Variants in NBAS observed in about 807,000 individuals in gnomAD.
NBAS encodes NAG/BC035112 fusion.
Under a neutral mutation model 302.5 loss-of-function variants are expected in NBAS, and 219 were observed. The observed-to-expected ratio is 0.72, with a 90% confidence interval of 0.65 to 0.81. The LOEUF is 0.81. NBAS is among the 30% of genes least tolerant of loss of function. NBAS has a pLI of 0.00. For synonymous variants in NBAS, 1,118 were observed against 1,021.6 expected, an observed-to-expected ratio of 1.09 and a Z score of -1.80; for missense variants, 2,932 against 2,841.6, an observed-to-expected ratio of 1.03 and a Z score of -0.72.
chr2:14,808,938 C>T, the NBAS span, among the ~76,000 whole-genome samples: 1 of 151,744 alleles, frequency 6.6e-6, no homozygotes, highest in Non-Finnish European at 1.5e-5. Flanking sequence ...GATGACTTTT[C>T]TTGTGTTTTA....
chr2:15,162,781 T>C (rs1224599249), downstream of NBAS, among the ~76,000 whole-genome samples: 2 of 152,214 alleles, frequency 1.3e-5, no homozygotes, highest in African/African-American at 4.8e-5. Flanking sequence ...ATTTTCTCAT[T>C]GTATGTGCCA....
At position 15,330,716 on chromosome 2, in the gene NBAS, G is replaced by C. The variant is rs1192322526; in HGVS notation, c.4229C>G (p.Thr1410Ser). The C allele has an allele frequency of 6.2e-7, 1 of 1,614,046 alleles. No individual in the cohort carries two copies. Among genetic ancestry groups the C allele is most frequent in the East Asian group, 2.2e-5 (1 of 44,874 alleles). The change falls in exon 36 of 52, where the codon ACC becomes AGC. Residue 1410 changes from threonine (T) to serine (S), a missense_variant. By Grantham distance (58) the Thr-to-Ser change is moderately conservative. Transcript: ENST00000281513. ...AAGGACTTTCATGGTGGTAGCAGTGGTCCAGCGCAATAGGTCAGCTGAATT... is the reference window on the plus strand; with the variant it reads ...AAGGACTTTCATGGTGGTAGCAGTGCTCCAGCGCAATAGGTCAGCTGAATT... ...GSNSADLLRW[T>S]TATTMKVLSN... is the part of the protein sequence containing the mutation.
chr2:14,982,097 A>G, the NBAS span, among the ~76,000 whole-genome samples: 12 of 152,202 alleles, frequency 7.9e-5, no homozygotes, highest in Admixed American at 7.2e-4. Context: ...CACTCTTCAG[A>G]TGCTCCACCA....
the NBAS span, among the ~76,000 whole-genome samples, chr2:14,784,098 T>A: frequency 6.6e-6 from 1 of 152,188 alleles, no homozygotes; most frequent in Admixed American, 6.5e-5. Flanking sequence ...TTCATGTGTT[T>A]TTTGGCTGCA....
chr2:15,085,609 C>G, the NBAS span, among the ~76,000 whole-genome samples: 3 of 152,288 alleles, frequency 2.0e-5, no homozygotes, highest in East Asian at 5.8e-4. Context: ...TGGGAGCAGG[C>G]AGCAGCCCTG....
the NBAS span, among the ~76,000 whole-genome samples, chr2:15,066,717 G>A: frequency 2.0e-5 from 3 of 152,168 alleles, no homozygotes; most frequent in Non-Finnish European, 4.4e-5. Context: ...CAAATATGTG[G>A]GGAAAAGAGA....
the NBAS span, among the ~76,000 whole-genome samples, chr2:15,109,103 T>TA: frequency 6.6e-6 from 1 of 152,134 alleles, no homozygotes; most frequent in South Asian, 2.1e-4. Flanking sequence ...TAGAGGTTGT[T>TA]AAAATGCATT....
At chr2:15,344,359 A>G (rs1672990695) in intron 35 of NBAS, among the ~76,000 whole-genome samples, 1 of 152,176 alleles carries the variant, frequency 6.6e-6, no homozygotes, top group Non-Finnish European at 1.5e-5. Flanking sequence ...ACAAACTACT[A>G]TCAGAGAATA....
chr2:15,232,617 T>C, intron 46 of NBAS, 106 bp from the exon 47 acceptor site: 2 of 915,796 alleles, frequency 2.2e-6, no homozygotes, highest in Non-Finnish European at 3.5e-6. Flanking sequence ...TGGCACAGTA[T>C]ACTGCCTGCC....
At chr2:15,457,375 A>T (rs1679294194) in intron 21 of NBAS, among the ~76,000 whole-genome samples, 1 of 152,252 alleles carries the variant, frequency 6.6e-6, no homozygotes. Context: ...ACACTCTCAT[A>T]GAAGAATAAG....
At chr2:15,533,485 C>G (rs77407035) in intron 9 of NBAS, among the ~76,000 whole-genome samples, 3 of 152,118 alleles carry the variant, frequency 2.0e-5, no homozygotes, top group Non-Finnish European at 4.4e-5. Context: ...AAAAGGAAGT[C>G]ACGAAGTGAG....
the NBAS span, among the ~76,000 whole-genome samples, chr2:15,144,171 C>T: frequency 6.6e-6 from 1 of 151,534 alleles, no homozygotes; most frequent in Non-Finnish European, 1.5e-5. Context: ...GGTCCCTCCC[C>T]AACACATATG....
chr2:15,529,884 G>A (rs1663140274), intron 9 of NBAS, among the ~76,000 whole-genome samples: 1 of 152,118 alleles, frequency 6.6e-6, no homozygotes, highest in Admixed American at 6.5e-5. Context: ...ATTGTAATAT[G>A]TTTATTTTAT....
At chr2:15,155,101 G>C in the NBAS span, among the ~76,000 whole-genome samples, 1 of 152,182 alleles carries the variant, frequency 6.6e-6, no homozygotes, top group African/African-American at 2.4e-5. Context: ...CTGAAAGACA[G>C]CAACATTTGG....
intron 25 of NBAS, among the ~76,000 whole-genome samples, chr2:15,407,463 T>C (rs1676470250): frequency 1.3e-5 from 2 of 152,168 alleles, no homozygotes; most frequent in South Asian, 2.1e-4. Context: ...GAGAGTCTTT[T>C]TGAAACTTGA....
chr2:15,372,103 G>C (rs1314638735), intron 31 of NBAS, among the ~76,000 whole-genome samples: 1 of 152,144 alleles, frequency 6.6e-6, no homozygotes, highest in South Asian at 2.1e-4. Flanking sequence ...AGTGGCAGAA[G>C]TAGCTCCAGG....
At chr2:15,329,030 C>T (rs961392021) in intron 36 of NBAS, among the ~76,000 whole-genome samples, 2 of 152,184 alleles carry the variant, frequency 1.3e-5, no homozygotes, top group South Asian at 2.1e-4. Flanking sequence ...ACCCCACACA[C>T]GGCTTTGAGA....
the NBAS span, among the ~76,000 whole-genome samples, chr2:14,854,609 G>C: frequency 2.3e-4 from 35 of 152,116 alleles, no homozygotes; most frequent in African/African-American, 8.4e-4. Flanking sequence ...GCATGGTTCA[G>C]AGAGTATCTC....
the NBAS span, among the ~76,000 whole-genome samples, chr2:14,782,673 AC>A: frequency 6.6e-6 from 1 of 152,204 alleles, no homozygotes. Flanking sequence ...TCACTGTAGC[AC>A]TATTCACAAT....
Sources: gnomAD v4.1 joint callset for allele counts (sites outside exome capture counted in the v4.1 genomes callset) on GRCh38, gnomAD v4.1.1 for gene constraint, MANE v1.5 for transcripts, NCBI Gene and HGNC (gene_info 2026-07-23, HGNC 2026-07-21) for gene names.